The following ATP6V0B variants were observed in gnomAD, a reference collection of about 807,000 sequenced individuals.
The protein encoded by ATP6V0B is ATPase H+ transporting V0 subunit b, also known as V-type proton ATPase 21 kDa proteolipid subunit c''.
A neutral mutation model predicts 26.2 loss-of-function variants in ATP6V0B; 4 were observed. The observed-to-expected ratio is 0.15, with a 90% confidence interval of 0.08 to 0.35. The LOEUF is 0.35. ATP6V0B is among the 10% of genes least tolerant of loss of function. ATP6V0B has a pLI of 1.00. For missense variants in ATP6V0B, 175 were observed against 272.5 expected (o/e 0.64, Z 2.52); for synonymous variants, 110 against 105.8 (o/e 1.04, Z -0.24).
rs759394656 is a variant in ATP6V0B, at chr1:43,976,832, G to A, written c.400+8G>A. 5.0e-6 allele frequency: 8 copies of A among 1,614,066 alleles called. No individual in the cohort carries two copies. The Admixed American group carries it at 8.3e-5, about 17-fold the overall frequency. ...ATCGGAACTACCATGCAGGTGGGTGGATGGGCGTATGAATGCAAAATGCTG... is the reference window on the plus strand; with the variant it reads ...ATCGGAACTACCATGCAGGTGGGTGAATGGGCGTATGAATGCAAAATGCTG... On this transcript the variant is annotated splice_region_variant and intron_variant, in intron 6 of 7. Transcript: ENST00000472174. The surrounding 1 kb of genome is among the most constrained non-coding windows in gnomAD (Gnocchi z 4.6).
At chr1:43,975,613 G>C (rs1043527877) in intron 1 of ATP6V0B, 187 bp from the exon 2 acceptor site, 7 of 696,910 alleles carry the variant, frequency 1.0e-5, no homozygotes, top group Admixed American at 9.9e-5. Flanking sequence ...GGTGGTTTTA[G>C]CGAGGGAATG....
At chr1:43,975,198 G>GC (rs2085503540) in intron 1 of ATP6V0B, 91 bp downstream of exon 1, 6 of 1,341,196 alleles carry the variant, frequency 4.5e-6, no homozygotes, top group Admixed American at 3.0e-5. Context: ...GGGAATACTG[G>GC]CCCCCCGCGC....
intron 7 of ATP6V0B, 31 bp from the exon 8 acceptor site, chr1:43,977,950 C>T: frequency 6.2e-7 from 1 of 1,614,202 alleles, no homozygotes; most frequent in Non-Finnish European, 8.5e-7. Context: ...TCCTCTGTCC[C>T]TGCCTGATTT....
rs751252390 is a variant in ATP6V0B, at chr1:43,976,569, C to T, written c.279-21C>T. 10 of 1,613,378 alleles carry T rather than the reference C, an allele frequency of 6.2e-6. No homozygotes were observed. Among genetic ancestry groups the T allele is most frequent in the African/African-American group, 1.3e-5 (1 of 74,894 alleles). On this transcript the variant is annotated intron_variant, in intron 4 of 7. Coordinates refer to ENST00000472174, the MANE Select transcript of ATP6V0B (RefSeq NM_004047.5). The surrounding 1 kb of genome is among the most constrained non-coding windows in gnomAD (Gnocchi z 4.6). ...TTCTTTCTCCTTTCCACTCCTTACC[C>T]CTAATCTCTACCACTACCAGCATCA...
Position 43,976,749 on chromosome 1 carries a change from T to C in ATP6V0B, c.349-24T>C, listed in dbSNP as rs765752256. 7 of 1,614,188 alleles carry C rather than the reference T, an allele frequency of 4.3e-6. No homozygotes were observed. Among genetic ancestry groups the C allele is most frequent in the Non-Finnish European group, 4.2e-6 (5 of 1,180,018 alleles). ...GGATGGGGTGCATCAGGATGGTTTC[T>C]GATTACTTTTCTTCTTCCCTCAGCC... On this transcript the variant is annotated intron_variant, in intron 5 of 7. Transcript: ENST00000472174. The surrounding 1 kb of genome is among the most constrained non-coding windows in gnomAD (Gnocchi z 4.6).
intron 7 of ATP6V0B, chr1:43,977,726 TGTGG>T (rs2085538486): frequency 6.9e-7 from 1 of 1,439,776 alleles, no homozygotes. Flanking sequence ...TGAGTGTGAC[TGTGG>T]GTGCTTGACT....
rs2085529552 is a variant in ATP6V0B, at chr1:43,977,183, T to C, written c.558T>C (p.Ile186=). 1 of 1,614,164 alleles carries C rather than the reference T, an allele frequency of 6.2e-7. No individual in the cohort carries two copies. Among genetic ancestry groups the C allele is most frequent in the East Asian group, 2.2e-5 (1 of 44,876 alleles). ...ILIVEIFGSA[I]GLFGVIVAIL... is the part of the protein sequence containing the mutation. The stretch of plus-strand genomic sequence containing the variant: ...TCGTGGAGATCTTTGGCAGCGCCAT[T>C]GGCCTCTTTGGGGTCATCGTCGCAA... The change falls in exon 7 of 8, where the codon ATT becomes ATC. Residue 186 remains isoleucine (I), a synonymous_variant. Coordinates refer to ENST00000472174, the MANE Select transcript of ATP6V0B (RefSeq NM_004047.5).
rs1571795185 is a variant in ATP6V0B, at chr1:43,976,529, C to T, written c.279-61C>T. ...CTGGGGACTTACTGGGCAGGAAGGA[C>T]GGTTTCTTTCTCATTTCTTTCTCCT... On this transcript the variant is annotated intron_variant, in intron 4 of 7. Transcript: ENST00000472174. The surrounding 1 kb of genome is among the most constrained non-coding windows in gnomAD (Gnocchi z 4.6). 24 of 1,591,606 alleles carry T rather than the reference C, an allele frequency of 1.5e-5. No individual in the cohort carries two copies. Among genetic ancestry groups the T allele is most frequent in the Non-Finnish European group, 1.7e-5 (20 of 1,160,240 alleles).
chr1:43,977,435 C>G (rs1297943321), intron 7 of ATP6V0B: 8 of 1,462,780 alleles, frequency 5.5e-6, no homozygotes, highest in African/African-American at 2.8e-5. Flanking sequence ...CTTTTTCCCC[C>G]CTTTCTAATG....
intron 2 of ATP6V0B, 84 bp downstream of exon 2, chr1:43,975,932 A>G: frequency 6.6e-7 from 1 of 1,519,970 alleles, no homozygotes; most frequent in African/African-American, 1.4e-5. Context: ...TCCCTCCCCC[A>G]CACCACTGCC....
Position 43,977,969 on chromosome 1 carries a change from C to CT in ATP6V0B, c.592-5dup, listed in dbSNP as rs776315932. 4 of 1,614,094 alleles carry CT rather than the reference C, an allele frequency of 2.5e-6. No homozygotes were observed. The highest frequency in any genetic ancestry group is 1.3e-5 in the African/African-American group (1 of 75,028). On this transcript the variant is annotated splice_polypyrimidine_tract_variant and intron_variant, in intron 7 of 7. Coordinates refer to ENST00000472174, the MANE Select transcript of ATP6V0B (RefSeq NM_004047.5). ...CTGTCCCTGCCTGATTTCTCCTGTT[C>CT]TTTTTTTGCAGACCTCCAGAGTGAA...
chr1:43,977,171 T>G lies in ATP6V0B; in HGVS notation c.546T>G (p.Phe182Leu), dbSNP rs2085529373. The change falls in exon 7 of 8, where the codon TTT becomes TTG. Residue 182 changes from phenylalanine to leucine, a missense_variant. Coordinates refer to ENST00000472174, the MANE Select transcript of ATP6V0B (RefSeq NM_004047.5). ...LFVKILIVEI[F>L]GSAIGLFGVI... ...TAAAGATTCTCATCGTGGAGATCTT[T>G]GGCAGCGCCATTGGCCTCTTTGGGG... The G allele has an allele frequency of 6.2e-7, 1 of 1,614,088 alleles. No individual in the cohort carries two copies. Among genetic ancestry groups the G allele is most frequent in the African/African-American group, 1.3e-5 (1 of 74,928 alleles).
At chr1:43,977,843 A>G (rs2085540026) in intron 7 of ATP6V0B, 138 bp from the exon 8 acceptor site, 2 of 1,596,654 alleles carry the variant, frequency 1.3e-6, no homozygotes, top group Non-Finnish European at 1.7e-6. Context: ...TGTCTGTCAC[A>G]GTGTGTCCAT....
intron 1 of ATP6V0B, 149 bp downstream of exon 1, chr1:43,975,256 C>T (rs2085504569): frequency 9.6e-7 from 1 of 1,040,498 alleles, no homozygotes; most frequent in East Asian, 3.0e-5. Context: ...GGGCCTCTGA[C>T]TCCGACAAAG....
rs1222451836 is a variant in ATP6V0B at position 43,975,175 on chromosome 1, G to A, written c.67+68G>A. On this transcript the variant is annotated intron_variant, in intron 1 of 7. Coordinates refer to ENST00000472174, the MANE Select transcript of ATP6V0B (RefSeq NM_004047.5). ...GCTGGCCGGGTCGGAACTCGGCGGG[G>A]AAGTGGCCTGCGGGGAATACTGGCC... is the stretch of plus-strand genomic sequence containing the variant. The A allele has an allele frequency of 4.3e-6, 6 of 1,399,212 alleles. No individual in the cohort carries two copies. The African/African-American group carries it at 6.1e-5, about 14-fold the overall frequency. The allele number at this position is 1,399,212 out of a possible 1,614,324, so 86.7% of individuals were successfully genotyped here.
intron 1 of ATP6V0B, chr1:43,975,336 G>T: frequency 1.7e-6 from 1 of 598,172 alleles, no homozygotes; most frequent in East Asian, 3.2e-5. Context: ...GCACTCCCCC[G>T]TCCTGCCACT....
Position 43,978,040 on chromosome 1 carries a change from T to C in ATP6V0B, c.*33T>C. ...GTGTGGGTGGGGCCGTGCCTCACTT[T>C]TATTTATTGCTGGTTTTCCTGGGAC... On this transcript the variant is annotated 3_prime_UTR_variant, in exon 8 of 8. Transcript: ENST00000472174. 6.2e-7 allele frequency: 1 copy of C among 1,614,130 alleles called. No homozygotes were observed.
In ATP6V0B at chr1:43,977,335, T is replaced by C. The variant is rs1360066824; in HGVS notation, c.591+119T>C. On this transcript the variant is annotated intron_variant, in intron 7 of 7. Coordinates refer to ENST00000472174, the MANE Select transcript of ATP6V0B (RefSeq NM_004047.5). ...ATAACTATAGATTCCCCCAAACAGCTTCCACCTCCTCATTTCCATCTTCTG... is the reference window on the plus strand; with the variant it reads ...ATAACTATAGATTCCCCCAAACAGCCTCCACCTCCTCATTTCCATCTTCTG... 4 of 1,577,174 alleles carry C rather than the reference T, an allele frequency of 2.5e-6. No homozygotes were observed. The South Asian group carries it at 3.4e-5, about 13-fold the overall frequency.
rs1259783774 is a variant in ATP6V0B, at chr1:43,976,774, C to T, written c.350C>T (p.Pro117Leu). 6.2e-7 allele frequency: 1 copy of T among 1,614,210 alleles called. No individual in the cohort carries two copies. Among genetic ancestry groups the T allele is most frequent in the Admixed American group, 1.7e-5 (1 of 60,026 alleles). The change falls in exon 6 of 8, where the codon CCT becomes CTT. Residue 117 changes from proline to leucine, a missense_variant and splice_region_variant. Pro to Leu is a moderately conservative substitution (Grantham distance 98, BLOSUM62 -3). Coordinates refer to ENST00000472174, the MANE Select transcript of ATP6V0B (RefSeq NM_004047.5). This position sits in a 1 kb window ranked among gnomAD's most constrained non-coding sequence, Gnocchi z 4.6. ...MAIVISNMAEPFSATDPKAIG... is the reference protein window; with the variant it reads ...MAIVISNMAELFSATDPKAIG... ...TGATTACTTTTCTTCTTCCCTCAGC[C>T]TTTCAGTGCCACAGACCCCAAGGCC...
Sources: allele counts gnomAD v4.1 joint callset, GRCh38; gene constraint gnomAD v4.1.1; non-coding constraint Gnocchi (gnomAD v3.1); transcripts MANE v1.5; gene names NCBI Gene and HGNC (gene_info 2026-07-23, HGNC 2026-07-21).